The following PDE3A variants were observed in gnomAD, a reference collection of about 807,000 sequenced individuals.
PDE3A encodes the protein phosphodiesterase 3A.
A neutral mutation model predicts 98.3 loss-of-function variants in PDE3A; 43 were observed. The observed-to-expected ratio is 0.44, with a 90% CI of 0.34 to 0.56. The LOEUF (loss-of-function observed/expected upper bound fraction) is 0.56. PDE3A is among the 20% of genes least tolerant of loss of function. The pLI is 0.01. For missense variants in PDE3A, 1,427 were observed against 1,440.7 expected (o/e 0.99, Z 0.15); for synonymous variants, 663 against 567.9 (o/e 1.17, Z -2.38).
At chr12:20,388,993 A>G (rs1943865112) in intron 1 of PDE3A, among the ~76,000 whole-genome samples, 1 of 152,082 alleles carries the variant, frequency 6.6e-6, no homozygotes, top group Non-Finnish European at 1.5e-5. Context: ...CAGTTTCTAT[A>G]ACTACTGAGA....
chr12:20,641,997 C>T (rs1246408401), intron 10 of PDE3A, among the ~76,000 whole-genome samples: 1 of 152,000 alleles, frequency 6.6e-6, no homozygotes, highest in Non-Finnish European at 1.5e-5. Context: ...TTATTAAAAT[C>T]TTCACTTATC....
At chr12:20,444,251 T>C (rs1410859276) in intron 1 of PDE3A, among the ~76,000 whole-genome samples, 1 of 152,146 alleles carries the variant, frequency 6.6e-6, no homozygotes, top group Non-Finnish European at 1.5e-5. Flanking sequence ...TTATCCCTGC[T>C]CTCTAGCTCC....
At chr12:20,438,058 T>G (rs2120829690) in intron 1 of PDE3A, among the ~76,000 whole-genome samples, 1 of 152,256 alleles carries the variant, frequency 6.6e-6, no homozygotes, top group East Asian at 1.9e-4. Flanking sequence ...TGCAAGGCTG[T>G]TGCTAATGTT....
intron 10 of PDE3A, among the ~76,000 whole-genome samples, chr12:20,642,639 G>A (rs112767900): frequency 0.023 from 3,474 of 152,226 alleles, 56 homozygotes; most frequent in Non-Finnish European, 0.034. Context: ...TGAGAAGTGG[G>A]GAGAATGCCT....
chr12:20,570,149 TGTAATCCCAGTGCTTTGG>T (rs1015048194), intron 2 of PDE3A, among the ~76,000 whole-genome samples: 1 of 152,106 alleles, frequency 6.6e-6, no homozygotes, highest in African/African-American at 2.4e-5. Flanking sequence ...GGCTCACGCC[TGTAATCCCAGTGCTTTGG>T]GAGGCCAGGT....
At chr12:20,501,329 A>T (rs1461059666) in intron 1 of PDE3A, among the ~76,000 whole-genome samples, 1 of 152,192 alleles carries the variant, frequency 6.6e-6, no homozygotes, top group East Asian at 1.9e-4. Flanking sequence ...TCTCTACAGC[A>T]CCGTAATCCA....
intron 1 of PDE3A, among the ~76,000 whole-genome samples, chr12:20,503,015 C>G (rs539508693): frequency 2.4e-4 from 36 of 152,050 alleles, no homozygotes; most frequent in African/African-American, 8.7e-4. Flanking sequence ...TATTGTGAAG[C>G]CTAAATGAGA....
intron 5 of PDE3A, among the ~76,000 whole-genome samples, chr12:20,624,262 G>A (rs955231156): frequency 2.6e-5 from 4 of 152,022 alleles, no homozygotes; most frequent in Non-Finnish European, 5.9e-5. Context: ...ATAATGGAAG[G>A]GTTTGGTTTT....
chr12:20,426,819 CA>C (rs1312602276), intron 1 of PDE3A, among the ~76,000 whole-genome samples: 3 of 152,162 alleles, frequency 2.0e-5, no homozygotes, highest in African/African-American at 7.2e-5. Flanking sequence ...CCGAAGCTTA[CA>C]TTCAGTTACA....
At chr12:20,604,963 C>G (rs936004361) in intron 2 of PDE3A, among the ~76,000 whole-genome samples, 1 of 152,062 alleles carries the variant, frequency 6.6e-6, no homozygotes. Context: ...AGTTGAAAAG[C>G]CTTTAGGTGT....
chr12:20,377,063 G>T (rs553632322), intron 1 of PDE3A, among the ~76,000 whole-genome samples: 62 of 151,868 alleles, frequency 4.1e-4, no homozygotes, highest in African/African-American at 1.2e-3. Context: ...GTTTGCTGAA[G>T]TGTGTGTATG....
At chr12:20,526,509 T>C (rs1413516592) in intron 1 of PDE3A, among the ~76,000 whole-genome samples, 1 of 152,136 alleles carries the variant, frequency 6.6e-6, no homozygotes, top group Middle Eastern at 3.2e-3. Flanking sequence ...TAAAGTAATA[T>C]GGGTATGTAT....
Position 20,633,758 on chromosome 12 carries a change from C to G in PDE3A, c.1826C>G (p.Thr609Ser), listed in dbSNP as rs71539447. Reference sequence around the variant, plus strand: ...CCCCTGGAGAGAAGTGGGGTAGCCACTCGGACACCAAGTAGAACAGGTAAT... The same window carrying G: ...CCCCTGGAGAGAAGTGGGGTAGCCAGTCGGACACCAAGTAGAACAGGTAAT... ...DEPLERSGVA[T>S]RTPSRTDDTA... is the part of the protein sequence containing the mutation. Residue 609 changes from threonine (T) to serine (S), a missense_variant, in exon 7 of 16, where the codon ACT becomes AGT. Around this residue, in one of 3 missense-constraint regions of PDE3A, gnomAD observed 1,012 missense variants for 886.5 expected, o/e 1.14. Transcript: ENST00000359062. The G allele has an allele frequency of 2.6e-5, 41 of 1,603,608 alleles. 1 individual carries two copies. In the Middle Eastern group the frequency reaches 6.6e-4, roughly 26 times the overall value.
chr12:20,370,210 G>A lies in PDE3A; in HGVS notation c.926G>A (p.Arg309Gln). ...TCCGGCTGCAGCAGCAAGTCCCATCGGAGGACCTCCCTGCCCTGTATACCG... is the reference window on the plus strand; with the variant it reads ...TCCGGCTGCAGCAGCAAGTCCCATCAGAGGACCTCCCTGCCCTGTATACCG... The part of the protein sequence containing the change: ...EMSGCSSKSH[R>Q]RTSLPCIPRE... Residue 309 changes from arginine to glutamine, a missense_variant, in exon 1 of 16, where the codon CGG becomes CAG. Arg to Gln is a conservative substitution (Grantham distance 43). Around this residue, in one of 3 missense-constraint regions of PDE3A, gnomAD observed 1,012 missense variants for 886.5 expected, o/e 1.14. Transcript: ENST00000359062. The A allele has an allele frequency of 6.2e-7, 1 of 1,602,286 alleles. No homozygotes were observed. Among genetic ancestry groups the A allele is most frequent in the Non-Finnish European group, 8.5e-7 (1 of 1,175,042 alleles).
intron 15 of PDE3A, among the ~76,000 whole-genome samples, chr12:20,667,448 G>A (rs1299089983): frequency 6.6e-6 from 1 of 151,994 alleles, no homozygotes; most frequent in African/African-American, 2.4e-5. Context: ...GTTGATTTTT[G>A]TATATAGTGA....
chr12:20,650,979 A>G (rs1321253405), intron 14 of PDE3A, among the ~76,000 whole-genome samples: 1 of 152,184 alleles, frequency 6.6e-6, no homozygotes, highest in Non-Finnish European at 1.5e-5. Flanking sequence ...TGCATATCAC[A>G]TTAATTTCAC....
chr12:20,575,665 GA>G (rs960449295), intron 2 of PDE3A, among the ~76,000 whole-genome samples: 1 of 151,896 alleles, frequency 6.6e-6, no homozygotes, highest in Non-Finnish European at 1.5e-5. Context: ...TCATCCAAGT[GA>G]AAAAGAGTTC....
chr12:20,450,030 G>T lies in PDE3A; in HGVS notation c.960+79786G>T, dbSNP rs1047238980. ...CTCCATCTACCTGGAAGTTACGGAAGTTTTTCATTCCACAATTGCATATTT... is the reference window on the plus strand; with the variant it reads ...CTCCATCTACCTGGAAGTTACGGAATTTTTTCATTCCACAATTGCATATTT... On this transcript the variant is annotated intron_variant, in intron 1 of 15. Transcript: ENST00000359062. 1.4e-5 allele frequency: 9 copies of T among 660,580 alleles called. 1 individual carries two copies. Among genetic ancestry groups the T allele is most frequent in the African/African-American group, 7.3e-5 (4 of 54,724 alleles). The allele number at this position is 660,580 out of a possible 1,614,324, so 40.9% of individuals were successfully genotyped here.
chr12:20,658,840 G>T (rs1459110875), intron 15 of PDE3A, among the ~76,000 whole-genome samples: 2 of 152,118 alleles, frequency 1.3e-5, no homozygotes, highest in Non-Finnish European at 2.9e-5. Flanking sequence ...ATTCCAGAGG[G>T]GCAGAGAAAG....
Sources: allele counts gnomAD v4.1 joint callset (sites outside exome capture counted in the v4.1 genomes callset), GRCh38; gene constraint gnomAD v4.1.1; regional missense constraint gnomAD v4.1.1; transcripts MANE v1.5; gene names NCBI Gene and HGNC (gene_info 2026-07-23, HGNC 2026-07-21).